The following RPH3A variants were observed in gnomAD, a reference collection of about 807,000 sequenced individuals.
RPH3A encodes the protein rabphilin-3A.
In RPH3A, 48 loss-of-function variants were observed where a neutral mutation model predicts 102.2. The ratio of observed to expected loss-of-function variants is 0.47; its 90% CI spans 0.37 to 0.60. The LOEUF (loss-of-function observed/expected upper bound fraction) is 0.60, where lower values mean the gene tolerates loss of function less well. Ranked by LOEUF, RPH3A falls within the 20% of genes least tolerant of loss-of-function variation. The probability of loss-of-function intolerance (pLI) is 0.00; values close to 1 mark genes in which losing one functional copy is unlikely to be tolerated. For missense variants in RPH3A, 781 were observed against 910.1 expected, an observed-to-expected ratio of 0.86 and a Z score of 1.83; for synonymous variants, 310 against 324.3, an observed-to-expected ratio of 0.96 and a Z score of 0.47.
At chr12:112,821,383 T>C (rs1377179683) in intron 2 of RPH3A, among the ~76,000 whole-genome samples, 2 of 152,174 alleles carry the variant, frequency 1.3e-5, no homozygotes, top group Non-Finnish European at 2.9e-5. Flanking sequence ...GCCAGAAGTT[T>C]ACATGGTCTT....
intron 1 of RPH3A, among the ~76,000 whole-genome samples, chr12:112,654,724 T>C (rs1302307790): frequency 6.6e-6 from 1 of 152,216 alleles, no homozygotes; most frequent in African/African-American, 2.4e-5. Context: ...TCTTCCTCAG[T>C]TGCAGCGGTA....
intron 5 of RPH3A, among the ~76,000 whole-genome samples, chr12:112,853,484 C>G (rs536191479): frequency 4.6e-4 from 70 of 152,242 alleles, no homozygotes; most frequent in Non-Finnish European, 7.2e-4. Context: ...TGGACCAGTG[C>G]TTTTTCCAAT....
intron 1 of RPH3A, among the ~76,000 whole-genome samples, chr12:112,786,631 T>A (rs775231511): frequency 6.6e-6 from 1 of 152,214 alleles, no homozygotes; most frequent in African/African-American, 2.4e-5. Flanking sequence ...TTGAGCATGT[T>A]TCCTTTCTCT....
chr12:112,850,214 A>T (rs1046124651), intron 5 of RPH3A, among the ~76,000 whole-genome samples: 1 of 152,224 alleles, frequency 6.6e-6, no homozygotes, highest in Non-Finnish European at 1.5e-5. Context: ...AAATGGGGAT[A>T]ACATTATCAC....
chr12:112,646,757 T>A (rs2039934383), intron 1 of RPH3A, among the ~76,000 whole-genome samples: 1 of 152,338 alleles, frequency 6.6e-6, no homozygotes, highest in South Asian at 2.1e-4. Flanking sequence ...GTTGGCTGAT[T>A]GTTTGCCAGA....
chr12:112,860,510 T>C (rs2042490117), intron 5 of RPH3A, among the ~76,000 whole-genome samples: 1 of 152,126 alleles, frequency 6.6e-6, no homozygotes, highest in African/African-American at 2.4e-5. Context: ...GAGGCTGCAG[T>C]GTGGGTTTGC....
At chr12:112,682,356 T>C (rs1484254683) in intron 1 of RPH3A, among the ~76,000 whole-genome samples, 1 of 5,024 alleles carries the variant, frequency 2.0e-4, no homozygotes, top group African/African-American at 7.5e-4. Context: ...TCTTTCTTTC[T>C]TTTTTTTTTT....
chr12:112,729,307 C>A (rs1405257217), intron 1 of RPH3A, among the ~76,000 whole-genome samples: 4 of 152,066 alleles, frequency 2.6e-5, no homozygotes, highest in African/African-American at 9.7e-5. Context: ...CTATCTCAGT[C>A]CCCTCGCTGA....
At position 112,847,803 on chromosome 12, in the gene RPH3A, G is replaced by A. The variant is rs1390375090; in HGVS notation, c.191G>A (p.Arg64Gln). ...EKEIINRVIA[R>Q]AEKMEEMEQE... Reference sequence around the variant, plus strand: ...GAAATCATCAACAGGGTGATTGCTCGAGCTGAGAAAATGGAAGAGATGGAG... The same window carrying A: ...GAAATCATCAACAGGGTGATTGCTCAAGCTGAGAAAATGGAAGAGATGGAG... Residue 64 changes from arginine (R) to glutamine (Q), a missense_variant, in exon 5 of 22, where the codon CGA becomes CAA. Arg to Gln is a conservative substitution (Grantham distance 43, BLOSUM62 1). Transcript: ENST00000389385. 1.2e-6 allele frequency: 2 copies of A among 1,614,230 alleles called. No homozygotes were observed. Among genetic ancestry groups the A allele is most frequent in the South Asian group, 2.2e-5 (2 of 91,074 alleles).
At chr12:112,727,592 C>A (rs1248245868) in intron 1 of RPH3A, among the ~76,000 whole-genome samples, 5 of 146,034 alleles carry the variant, frequency 3.4e-5, no homozygotes. Context: ...ATAGGTGTTT[C>A]TTTCCCATGG....
intron 1 of RPH3A, among the ~76,000 whole-genome samples, chr12:112,603,512 G>GTATATACATAGCAT (rs2039572706): frequency 6.6e-6 from 1 of 152,122 alleles, no homozygotes; most frequent in Admixed American, 6.5e-5. Context: ...TATAATGCTT[G>GTATATACATAGCAT]TATATACATA....
chr12:112,585,462 C>T (rs1348601304), intron 1 of RPH3A, among the ~76,000 whole-genome samples: 1 of 152,188 alleles, frequency 6.6e-6, no homozygotes, highest in Non-Finnish European at 1.5e-5. Flanking sequence ...ACGCTGGGCG[C>T]GGTGGCTCGC....
At chr12:112,858,825 A>G (rs1447343097) in intron 5 of RPH3A, among the ~76,000 whole-genome samples, 2 of 152,152 alleles carry the variant, frequency 1.3e-5, no homozygotes, top group Admixed American at 6.5e-5. Flanking sequence ...GAGGCCATCC[A>G]TTGGTGCCCA....
chr12:112,598,988 C>A (rs768225008), intron 1 of RPH3A, among the ~76,000 whole-genome samples: 1 of 152,164 alleles, frequency 6.6e-6, no homozygotes, highest in Non-Finnish European at 1.5e-5. Flanking sequence ...GGGTGTGTAA[C>A]ATGTTCCCCT....
chr12:112,783,187 G>A (rs556633435), intron 1 of RPH3A, among the ~76,000 whole-genome samples: 38 of 152,240 alleles, frequency 2.5e-4, no homozygotes, highest in Non-Finnish European at 4.9e-4. Context: ...GTCACGTTAG[G>A]ATTACGTAAG....
At position 112,781,801 on chromosome 12, in the gene RPH3A, C is replaced by T. The variant is rs117603647; in HGVS notation, c.-139-10342C>T. ...GACATGGCTTCTGTCCTCAAGGAAT[C>T]GCTATAGCCAGCAATTCTGGCATTG... On this transcript the variant is annotated intron_variant, in intron 1 of 21. Transcript: ENST00000543106. 7.3e-3 allele frequency among the ~76,000 whole-genome samples: 1,114 copies of T among 152,342 alleles called. 11 individuals carry two copies. Among genetic ancestry groups the T allele is most frequent in the Non-Finnish European group, 0.011 (724 of 68,032 alleles).
intron 2 of RPH3A, among the ~76,000 whole-genome samples, chr12:112,827,583 C>T (rs185878185): frequency 6.6e-6 from 1 of 152,240 alleles, no homozygotes; most frequent in East Asian, 1.9e-4. Flanking sequence ...CAGTTTGGAT[C>T]AGCATAGTAG....
intron 1 of RPH3A, among the ~76,000 whole-genome samples, chr12:112,658,200 G>T (rs2040026098): frequency 6.6e-6 from 1 of 151,972 alleles, no homozygotes; most frequent in Non-Finnish European, 1.5e-5. Flanking sequence ...ATTTTGAGAT[G>T]GAATCTTGCT....
In RPH3A at chr12:112,876,885, AGAGG is replaced by A; in HGVS notation, c.1171+20_1171+23del. On this transcript the variant is annotated intron_variant, in intron 13 of 21. Coordinates refer to ENST00000389385, the MANE Select transcript of RPH3A (RefSeq NM_001143854.2). ...GAAGCAAGTAGGTGGTGCCTAAGGG[AGAGG>A]TATCTTGGAAAAATCACTTCAGGAG... 1 of 1,552,082 alleles carries A rather than the reference AGAGG, an allele frequency of 6.4e-7. No homozygotes were observed. Among genetic ancestry groups the A allele is most frequent in the Non-Finnish European group, 8.7e-7 (1 of 1,145,598 alleles).
Sources: allele counts gnomAD v4.1 joint callset (sites outside exome capture counted in the v4.1 genomes callset), GRCh38; gene constraint gnomAD v4.1.1; transcripts MANE v1.5; gene names NCBI Gene and HGNC (gene_info 2026-07-23, HGNC 2026-07-21).